The following AAMDC variants were observed in gnomAD, a reference collection of about 807,000 sequenced individuals.
AAMDC encodes adipogenesis associated Mth938 domain containing, also known as mth938 domain-containing protein.
Under a neutral mutation model 15.5 loss-of-function variants are expected in AAMDC, and 16 were observed. The observed-to-expected ratio is 1.03, with a 90% CI of 0.70 to 1.57. AAMDC has a LOEUF of 1.57. AAMDC is among the 40% of genes most tolerant of loss of function. AAMDC has a pLI of 0.00. For synonymous variants in AAMDC, 51 were observed against 51.6 expected, an observed-to-expected ratio of 0.99 and a Z score of 0.05; for missense variants, 141 against 144.9, an observed-to-expected ratio of 0.97 and a Z score of 0.14.
intron 5 of AAMDC, among the ~76,000 whole-genome samples, chr11:77,892,876 C>T (rs1793335): frequency 0.36 from 55,040 of 152,080 alleles, 10,150 homozygotes; most frequent in East Asian, 0.46. Flanking sequence ...AGCCACCGTG[C>T]CCAGCCTCAA....
At chr11:77,901,771 T>A (rs1410161215), downstream of AAMDC, among the ~76,000 whole-genome samples, 1 of 151,906 alleles carries the variant, frequency 6.6e-6, no homozygotes, top group Non-Finnish European at 1.5e-5. Flanking sequence ...AATAAAATCA[T>A]CTTAGTTGAT....
intron 1 of AAMDC, among the ~76,000 whole-genome samples, chr11:77,832,868 A>T (rs955196295): frequency 6.6e-6 from 1 of 151,626 alleles, no homozygotes; most frequent in African/African-American, 2.4e-5. Flanking sequence ...TGTGAAAGAC[A>T]GTTTTTCCAC....
chr11:77,868,181 G>A (rs539537262), intron 2 of AAMDC, among the ~76,000 whole-genome samples: 44 of 148,276 alleles, frequency 3.0e-4, no homozygotes, highest in East Asian at 1.0e-3. Flanking sequence ...TCAGCCTCCC[G>A]AGTAGCTGGG....
At chr11:77,882,303 A>G (rs1282045388) in intron 5 of AAMDC, among the ~76,000 whole-genome samples, 1 of 152,178 alleles carries the variant, frequency 6.6e-6, no homozygotes, top group African/African-American at 2.4e-5. Context: ...TTAAGAGGAA[A>G]TGGGGCCTAG....
chr11:77,858,794 A>G (rs1164607301), intron 2 of AAMDC, among the ~76,000 whole-genome samples: 1 of 152,198 alleles, frequency 6.6e-6, no homozygotes, highest in African/African-American at 2.4e-5. Context: ...AGGCCAGTCC[A>G]GGGGTCCACG....
At chr11:77,841,005 T>A (rs915927046) in intron 1 of AAMDC, 1 of 518,402 alleles carries the variant, frequency 1.9e-6, no homozygotes, top group African/African-American at 1.9e-5. Flanking sequence ...TGAAAATAAT[T>A]TTTTTTCTCA....
intron 2 of AAMDC, among the ~76,000 whole-genome samples, chr11:77,858,415 C>T (rs897139324): frequency 1.5e-5 from 2 of 130,308 alleles, no homozygotes; most frequent in African/African-American, 6.3e-5. Context: ...GCTCGAATGC[C>T]TGCTGTGCTC....
intron 5 of AAMDC, chr11:77,884,732 TC>T (rs1414440471): frequency 3.0e-6 from 1 of 334,614 alleles, no homozygotes; most frequent in East Asian, 8.5e-5. Flanking sequence ...TCATGGGGCC[TC>T]CCCCTGATTC....
downstream of AAMDC, chr11:77,901,648 T>G: frequency 1.2e-6 from 1 of 863,466 alleles, no homozygotes; most frequent in Non-Finnish European, 1.9e-6. Flanking sequence ...GGTGAAACTC[T>G]TAACTGAGAT....
chr11:77,838,951 C>T (rs1261714804), intron 1 of AAMDC, among the ~76,000 whole-genome samples: 1 of 152,150 alleles, frequency 6.6e-6, no homozygotes, highest in Non-Finnish European at 1.5e-5. Context: ...CTTACCAGTG[C>T]TAGAATTTCC....
intron 2 of AAMDC, among the ~76,000 whole-genome samples, chr11:77,858,070 G>T (rs1317066196): frequency 6.6e-6 from 1 of 152,050 alleles, no homozygotes; most frequent in Admixed American, 6.6e-5. Flanking sequence ...CCAGGCTGGA[G>T]TACAGTGGTA....
chr11:77,899,983 A>G (rs995590020), intron 5 of AAMDC, among the ~76,000 whole-genome samples: 8 of 152,298 alleles, frequency 5.3e-5, no homozygotes, highest in Non-Finnish European at 1.0e-4. Context: ...TTATATATAA[A>G]CTAAAAAAAA....
At chr11:77,870,922 T>C (rs1197482664) in intron 3 of AAMDC, among the ~76,000 whole-genome samples, 11 of 152,338 alleles carry the variant, frequency 7.2e-5, no homozygotes, top group Non-Finnish European at 1.3e-4. Context: ...GTCATCCATA[T>C]AGAGGCCTAC....
chr11:77,895,287 T>C (rs1384179965), intron 5 of AAMDC, among the ~76,000 whole-genome samples: 1 of 152,004 alleles, frequency 6.6e-6, no homozygotes, highest in Non-Finnish European at 1.5e-5. Flanking sequence ...GGAATAAAGT[T>C]CCCACCAAGA....
chr11:77,836,012 C>T (rs1949667460), intron 1 of AAMDC, among the ~76,000 whole-genome samples: 1 of 152,090 alleles, frequency 6.6e-6, no homozygotes. Flanking sequence ...TTCAAATTCT[C>T]ATTTTCTCAC....
intron 2 of AAMDC, among the ~76,000 whole-genome samples, chr11:77,863,019 TGTG>T (rs899814631): frequency 7.2e-5 from 11 of 152,216 alleles, no homozygotes; most frequent in Non-Finnish European, 1.2e-4. Context: ...GAGCTCCTAA[TGTG>T]GTGGTGGGCC....
chr11:77,841,734 C>A (rs558601862), intron 1 of AAMDC, among the ~76,000 whole-genome samples: 1 of 152,224 alleles, frequency 6.6e-6, no homozygotes, highest in African/African-American at 2.4e-5. Flanking sequence ...CTTATAAAGC[C>A]CCCTGTGGCT....
chr11:77,850,094 CA>C (rs2136184714), intron 2 of AAMDC, among the ~76,000 whole-genome samples: 1 of 152,310 alleles, frequency 6.6e-6, no homozygotes, highest in Admixed American at 6.5e-5. Flanking sequence ...TTATAAATGT[CA>C]TTAAACAAAC....
rs1396484993 is a variant in AAMDC, at chr11:77,861,624, G to A, written c.133-8098G>A. Reference sequence around the variant, plus strand: ...CTTCCAGTGATTCCCTTGACATAACGGGCATGGACGAGGGGGCGGCTTATT... The same window carrying A: ...CTTCCAGTGATTCCCTTGACATAACAGGCATGGACGAGGGGGCGGCTTATT... On this transcript the variant is annotated intron_variant, in intron 2 of 3. Coordinates refer to ENST00000393427, the MANE Select transcript of AAMDC (RefSeq NM_024684.4). Among the ~76,000 whole-genome samples the A allele has an allele frequency of 4.6e-5, 7 of 152,146 alleles. No individual in the cohort carries two copies. The East Asian group carries it at 5.8e-4, about 13-fold the overall frequency.
Sources: allele counts gnomAD v4.1 joint callset (sites outside exome capture counted in the v4.1 genomes callset), GRCh38; gene constraint gnomAD v4.1.1; transcripts MANE v1.5; gene names NCBI Gene and HGNC (gene_info 2026-07-23, HGNC 2026-07-21).